Variants in NRAP observed in about 807,000 individuals in gnomAD.
NRAP encodes nebulin related anchoring protein, also known as nebulin-related-anchoring protein.
NRAP carries 189 observed loss-of-function variants against 225.9 expected under a neutral mutation model. The observed-to-expected ratio is 0.84, with a 90% confidence interval of 0.74 to 0.94. The LOEUF is 0.94. Among genes scored for constraint, NRAP ranks in the 40% least tolerant of loss-of-function variants. The probability of loss-of-function intolerance (pLI) is 0.00; values close to 1 mark genes in which losing one functional copy is unlikely to be tolerated. For synonymous variants in NRAP, 769 were observed against 790.7 expected, an observed-to-expected ratio of 0.97 and a Z score of 0.46; for missense variants, 2,176 against 2,168.7, an observed-to-expected ratio of 1.00 and a Z score of -0.07.
At chr10:113,589,524 T>C (rs1845812438) in intron 41 of NRAP, 142 bp downstream of exon 41, 2 of 956,538 alleles carry the variant, frequency 2.1e-6, no homozygotes, top group Admixed American at 4.9e-5. Flanking sequence ...CCCATGAAAT[T>C]AGGCGCCTTG....
intron 30 of NRAP, 80 bp downstream of exon 30, chr10:113,612,154 A>T (rs1847367964): frequency 1.8e-6 from 2 of 1,132,004 alleles, no homozygotes; most frequent in African/African-American, 3.1e-5. Flanking sequence ...GATTTCACTG[A>T]GCCAACAGGA....
intron 38 of NRAP, among the ~76,000 whole-genome samples, chr10:113,593,475 G>C (rs780308752): frequency 5.3e-5 from 8 of 152,086 alleles, no homozygotes; most frequent in Admixed American, 5.2e-4. Context: ...CTCCATCCTC[G>C]CCTCTGACTC....
In NRAP at chr10:113,606,950, C is replaced by T. The variant is rs569193389; in HGVS notation, c.3703-668G>A. On this transcript the variant is annotated intron_variant, in intron 32 of 41. Coordinates refer to ENST00000359988, the MANE Select transcript of NRAP (RefSeq NM_198060.4). The stretch of plus-strand genomic sequence containing the variant: ...AGGCGTGGTGGTTCATGCCTGTAAT[C>T]CCAGCACTGTAGGAGGCTGAGGTGG... Among the ~76,000 whole-genome samples, 17 of 152,122 alleles carry T rather than the reference C, an allele frequency of 1.1e-4. No homozygotes were observed. The East Asian group carries it at 3.3e-3, about 29-fold the overall frequency.
At chr10:113,596,086 C>G (rs1373070588) in intron 37 of NRAP, among the ~76,000 whole-genome samples, 4 of 152,162 alleles carry the variant, frequency 2.6e-5, no homozygotes, top group Non-Finnish European at 5.9e-5. Context: ...ATGCTTTTTA[C>G]TAGTAACAAG....
At chr10:113,613,929 G>A (rs925701398) in intron 29 of NRAP, among the ~76,000 whole-genome samples, 10 of 152,110 alleles carry the variant, frequency 6.6e-5, no homozygotes, top group Admixed American at 6.5e-4. Flanking sequence ...CCAGACCAGT[G>A]GCCCATGTCC....
chr10:113,596,993 C>T (rs1846317955), intron 37 of NRAP, 93 bp downstream of exon 37: 1 of 808,656 alleles, frequency 1.2e-6, no homozygotes, highest in South Asian at 1.5e-5. Flanking sequence ...AGGTTTGCAC[C>T]CCCATCTGTC....
intron 28 of NRAP, 46 bp from the exon 29 acceptor site, chr10:113,614,342 G>C: frequency 2.3e-6 from 3 of 1,278,168 alleles, no homozygotes; most frequent in Non-Finnish European, 3.4e-6. Context: ...AGGGATAAGG[G>C]ACACAGAATG....
Position 113,604,672 on chromosome 10 carries a change from G to T in NRAP, c.4164C>A (p.Phe1388Leu), listed in dbSNP as rs1054038086. The T allele has an allele frequency of 6.2e-6, 10 of 1,614,072 alleles. No homozygotes were observed. Among genetic ancestry groups the T allele is most frequent in the Non-Finnish European group, 7.6e-6 (9 of 1,180,050 alleles). Residue 1388 changes from phenylalanine to leucine, a missense_variant, in exon 35 of 42, where the codon TTC becomes TTA. Phe to Leu is a conservative substitution (Grantham distance 22, BLOSUM62 0). Transcript: ENST00000359988. ...TCTTCAGGTCCTCGGGCAGTGCTGT[G>T]AACTTGTGATACTGTGTCCTGTAGT... ...DHDYRTQYHK[F>L]TALPEDLKMA...
At chr10:113,605,237 C>A (rs1354689061) in intron 34 of NRAP, among the ~76,000 whole-genome samples, 3 of 152,200 alleles carry the variant, frequency 2.0e-5, no homozygotes, top group Non-Finnish European at 1.5e-5. Flanking sequence ...AAACATTAAA[C>A]CCAAAAGACA....
In NRAP at chr10:113,589,691, C is replaced by T; in HGVS notation, c.5063G>A (p.Arg1688Lys). Residue 1688 changes from arginine (R) to lysine (K), a missense_variant, in exon 41 of 42, where the codon AGG becomes AAG. Physicochemically the swap from Arg to Lys is conservative, Grantham distance 26. Coordinates refer to ENST00000359988, the MANE Select transcript of NRAP (RefSeq NM_198060.4). ...ARRAAELANA[R>K]GLGLQGAYRG... ...GTAAGCTCCCTGGAGACCCAGGCCC[C>T]TTGCGTTGGCCAGTTCCGCAGCCCG... The T allele has an allele frequency of 6.2e-7, 1 of 1,614,120 alleles. No homozygotes were observed. Among genetic ancestry groups the T allele is most frequent in the East Asian group, 2.2e-5 (1 of 44,876 alleles).
chr10:113,604,536 A>C, intron 35 of NRAP, 73 bp downstream of exon 35: 4 of 1,354,074 alleles, frequency 3.0e-6, no homozygotes, highest in Non-Finnish European at 4.1e-6. Flanking sequence ...AGGAAGAAGC[A>C]GAGATTGACA....
Position 113,610,497 on chromosome 10 carries a change from T to G in NRAP, c.3565A>C (p.Ile1189Leu). 1 of 1,602,468 alleles carries G rather than the reference T, an allele frequency of 6.2e-7. No individual in the cohort carries two copies. Among genetic ancestry groups the G allele is most frequent in the Non-Finnish European group, 8.6e-7 (1 of 1,169,364 alleles). The change falls in exon 31 of 42, where the codon ATT becomes CTT. Residue 1189 changes from isoleucine to leucine, a missense_variant. Around this residue, in one of 3 missense-constraint regions of NRAP, gnomAD observed 1,708 missense variants for 1,695.5 expected, o/e 1.01. Transcript: ENST00000359988. ...TCCGATGCTTTCTTCCTCCCTTCAA[T>G]CTCTAACGTGCCTGGAATGACACAT... Reference protein sequence around the residue: ...VACVIPGTLEIEGRKKASELI... With the variant: ...VACVIPGTLELEGRKKASELI...
In NRAP at chr10:113,617,557, T is replaced by C. The variant is rs2133962776; in HGVS notation, c.2875-4A>G. On this transcript the variant is annotated splice_polypyrimidine_tract_variant and splice_region_variant and intron_variant, in intron 25 of 41. Transcript: ENST00000359988. ...CTGGATGCTGACGGTACTTCTTCTG[T>C]TGAGCAGAAAAAGATCAAAGCTGTG... The C allele has an allele frequency of 6.4e-7, 1 of 1,571,928 alleles. No individual in the cohort carries two copies. Among genetic ancestry groups the C allele is most frequent in the Non-Finnish European group, 8.8e-7 (1 of 1,141,470 alleles).
chr10:113,592,037 CT>C (rs140764029), intron 39 of NRAP, among the ~76,000 whole-genome samples, 156 bp downstream of exon 39: 27 of 149,960 alleles, frequency 1.8e-4, no homozygotes, highest in East Asian at 7.8e-4. Flanking sequence ...AAGTAAAGCC[CT>C]TTTTTTTTTC....
At chr10:113,603,793 T>C (rs1846753095) in intron 35 of NRAP, among the ~76,000 whole-genome samples, 2 of 152,096 alleles carry the variant, frequency 1.3e-5, no homozygotes. Flanking sequence ...GAGTTCCCTA[T>C]CCCCTTCTGT....
intron 13 of NRAP, among the ~76,000 whole-genome samples, chr10:113,640,744 T>C (rs1849155139): frequency 6.6e-6 from 1 of 152,216 alleles, no homozygotes; most frequent in Non-Finnish European, 1.5e-5. Flanking sequence ...CCGACATTTG[T>C]ATGTTTTAAT....
chr10:113,590,092 C>T (rs2133808722), intron 40 of NRAP, among the ~76,000 whole-genome samples: 1 of 152,310 alleles, frequency 6.6e-6, no homozygotes, highest in East Asian at 1.9e-4. Context: ...ACTCTGTGGC[C>T]TTAGGGAAGC....
At position 113,617,439 on chromosome 10, in the gene NRAP, A is replaced by G. The variant is rs1370987654; in HGVS notation, c.2973+16T>C. On this transcript the variant is annotated intron_variant, in intron 26 of 41. Transcript: ENST00000359988. ...GCCCACTCTTAGAGTCATAATGTAT[A>G]TACATTATCACTTACATCCACTGCT... 1 of 1,419,706 alleles carries G rather than the reference A, an allele frequency of 7.0e-7. No homozygotes were observed. Among genetic ancestry groups the G allele is most frequent in the African/African-American group, 1.4e-5 (1 of 71,354 alleles). The allele number at this position is 1,419,706 out of a possible 1,614,324, so 87.9% of individuals were successfully genotyped here. A position where few individuals can be genotyped will look rare whatever the true frequency, so the allele number is the denominator to read the frequency against.
At chr10:113,663,682 T>C (rs1850839669) in intron 1 of NRAP, 129 bp downstream of exon 1, 1 of 734,698 alleles carries the variant, frequency 1.4e-6, no homozygotes, top group African/African-American at 1.8e-5. Flanking sequence ...TGAGAAAATA[T>C]AACTTTTTCT....
Sources: gnomAD v4.1 joint callset for allele counts (sites outside exome capture counted in the v4.1 genomes callset) on GRCh38, gnomAD v4.1.1 for gene constraint, gnomAD v4.1.1 regional missense constraint, MANE v1.5 for transcripts, NCBI Gene and HGNC (gene_info 2026-07-23, HGNC 2026-07-21) for gene names.